Variants in LRFN2 observed in about 807,000 individuals in gnomAD.
LRFN2 encodes the protein leucine rich repeat and fibronectin type III domain containing 2.
A neutral mutation model predicts 37.3 loss-of-function variants in LRFN2; 18 were observed. That is an observed-to-expected ratio of 0.48 (90% confidence interval 0.33 to 0.72). The LOEUF (loss-of-function observed/expected upper bound fraction) is 0.72. Ranked by LOEUF, LRFN2 falls within the 30% of genes least tolerant of loss-of-function variation. The pLI is 0.02. For missense variants in LRFN2, 1,006 were observed against 1,060.7 expected, an observed-to-expected ratio of 0.95 and a Z score of 0.72; for synonymous variants, 556 against 466.6, an observed-to-expected ratio of 1.19 and a Z score of -2.47.
At position 40,432,284 on chromosome 6, in the gene LRFN2, C is replaced by A; in HGVS notation, c.830G>T (p.Trp277Leu). 6.2e-7 allele frequency: 1 copy of A among 1,614,124 alleles called. No homozygotes were observed. Among genetic ancestry groups the A allele is most frequent in the South Asian group, 1.1e-5 (1 of 91,084 alleles). ...SPGGLKGRYF[W>L]HVREEEFVCE... is the part of the protein sequence containing the mutation. ...CACAAACTCCTCCTCACGCACATGC[C>A]AGAAGTAGCGACCCTTGAGGCCCCC... Residue 277 changes from tryptophan (W) to leucine (L), a missense_variant, in exon 2 of 3, where the codon TGG becomes TTG. Coordinates refer to ENST00000338305, the MANE Select transcript of LRFN2 (RefSeq NM_020737.3).
chr6:40,470,983 C>A (rs992065224), intron 1 of LRFN2, among the ~76,000 whole-genome samples: 1 of 152,164 alleles, frequency 6.6e-6, no homozygotes, highest in Non-Finnish European at 1.5e-5. Context: ...TCACACCCAA[C>A]CTTGGGGACA....
chr6:40,582,792 C>T (rs949853529), intron 1 of LRFN2, among the ~76,000 whole-genome samples: 2 of 151,518 alleles, frequency 1.3e-5, no homozygotes, highest in Non-Finnish European at 1.5e-5. Flanking sequence ...GATTTGGACT[C>T]AATAGTTGAA....
At chr6:40,444,989 T>C (rs1208659706) in intron 1 of LRFN2, among the ~76,000 whole-genome samples, 1 of 151,912 alleles carries the variant, frequency 6.6e-6, no homozygotes, top group African/African-American at 2.4e-5. Context: ...CCTCCCTCCT[T>C]CCTGCACCCC....
chr6:40,482,896 C>T (rs912034350), intron 1 of LRFN2, among the ~76,000 whole-genome samples: 1 of 152,194 alleles, frequency 6.6e-6, no homozygotes, highest in Non-Finnish European at 1.5e-5. Flanking sequence ...CAAGGACTCC[C>T]GGACATGACT....
At chr6:40,554,918 T>C (rs1415774475) in intron 1 of LRFN2, among the ~76,000 whole-genome samples, 1 of 152,224 alleles carries the variant, frequency 6.6e-6, no homozygotes, top group African/African-American at 2.4e-5. Flanking sequence ...AAGGGCAACA[T>C]TCTGTTTCTA....
At chr6:40,430,506 T>C (rs1393627810) in intron 2 of LRFN2, among the ~76,000 whole-genome samples, 1 of 152,254 alleles carries the variant, frequency 6.6e-6, no homozygotes, top group African/African-American at 2.4e-5. Flanking sequence ...AAGGACACCA[T>C]ACATTCCTTG....
At chr6:40,402,332 G>T (rs1190470511) in intron 2 of LRFN2, among the ~76,000 whole-genome samples, 1 of 152,166 alleles carries the variant, frequency 6.6e-6, no homozygotes, top group African/African-American at 2.4e-5. Context: ...GCTGAGCCAG[G>T]TCTGCCAGGC....
chr6:40,512,781 T>C (rs1198842138), intron 1 of LRFN2, among the ~76,000 whole-genome samples: 1 of 152,208 alleles, frequency 6.6e-6, no homozygotes, highest in African/African-American at 2.4e-5. Context: ...TCCTTTATGC[T>C]GAGCCCTTGG....
intron 1 of LRFN2, among the ~76,000 whole-genome samples, chr6:40,447,443 C>G (rs746487469): frequency 6.6e-6 from 1 of 152,220 alleles, no homozygotes; most frequent in African/African-American, 2.4e-5. Context: ...GAGCTGTCAC[C>G]ATCCCATGAT....
At chr6:40,545,757 G>A (rs1037697551) in intron 1 of LRFN2, among the ~76,000 whole-genome samples, 4 of 152,176 alleles carry the variant, frequency 2.6e-5, no homozygotes, top group Admixed American at 1.3e-4. Flanking sequence ...GGCACTTGGA[G>A]GAGGAATGAA....
At chr6:40,402,891 G>A (rs1393143429) in intron 2 of LRFN2, among the ~76,000 whole-genome samples, 1 of 152,180 alleles carries the variant, frequency 6.6e-6, no homozygotes, top group East Asian at 1.9e-4. Context: ...GAATTCTGAG[G>A]GAAGTGAGGG....
intron 2 of LRFN2, among the ~76,000 whole-genome samples, chr6:40,415,478 G>A (rs1290723870): frequency 1.3e-5 from 2 of 152,042 alleles, no homozygotes; most frequent in African/African-American, 2.4e-5. Context: ...CACCCACCTC[G>A]ACCTCCCAAA....
intron 2 of LRFN2, among the ~76,000 whole-genome samples, chr6:40,423,754 A>G (rs1226381124): frequency 2.0e-5 from 3 of 152,182 alleles, no homozygotes; most frequent in African/African-American, 4.8e-5. Context: ...GAAACTCCCC[A>G]CTTTGCTTTC....
intron 1 of LRFN2, among the ~76,000 whole-genome samples, chr6:40,582,469 T>A (rs1767422104): frequency 6.6e-6 from 1 of 151,924 alleles, no homozygotes; most frequent in African/African-American, 2.4e-5. Context: ...AAGAACACAG[T>A]TTTGTTCTTT....
intron 2 of LRFN2, among the ~76,000 whole-genome samples, chr6:40,422,529 G>T (rs80173346): frequency 3.0e-4 from 46 of 151,582 alleles, no homozygotes; most frequent in African/African-American, 1.1e-3. Flanking sequence ...CCCTGGACTC[G>T]GGGTCAGAAT....
At chr6:40,447,603 T>C (rs1194516705) in intron 1 of LRFN2, among the ~76,000 whole-genome samples, 2 of 152,256 alleles carry the variant, frequency 1.3e-5, no homozygotes, top group African/African-American at 2.4e-5. Context: ...CAAACGTAGA[T>C]GATATCATCA....
At chr6:40,471,203 TC>T (rs1473618297) in intron 1 of LRFN2, among the ~76,000 whole-genome samples, 3 of 152,116 alleles carry the variant, frequency 2.0e-5, no homozygotes, top group African/African-American at 7.2e-5. Context: ...ATGGGGCTCT[TC>T]TTACCGGCTC....
chr6:40,392,559 G>A lies in LRFN2; in HGVS notation c.1754C>T (p.Pro585Leu), dbSNP rs765272532. Reference protein sequence around the residue: ...VYSQTNGAQPPPPSSAPAGAP... With the variant: ...VYSQTNGAQPLPPSSAPAGAP... ...CCCGGCTGGTGCGCTGCTTGGAGGC[G>A]GTGGCTGGGCGCCGTTGGTCTGCGA... Residue 585 changes from proline to leucine, a missense_variant, in exon 3 of 3, where the codon CCG (proline) becomes CTG (leucine). By Grantham distance (98) the Pro-to-Leu change is moderately conservative. This residue lies in a region of LRFN2 where 398 missense variants were observed against 327.6 expected (regional missense o/e 1.21). Coordinates refer to ENST00000338305, the MANE Select transcript of LRFN2 (RefSeq NM_020737.3). This position sits in a 1 kb window ranked among gnomAD's most constrained non-coding sequence, Gnocchi z 4.7. The A allele has an allele frequency of 4.1e-5, 65 of 1,601,024 alleles. No homozygotes were observed. Among genetic ancestry groups the A allele is most frequent in the Admixed American group, 5.0e-5 (3 of 59,596 alleles).
At chr6:40,484,630 A>T (rs535272940) in intron 1 of LRFN2, among the ~76,000 whole-genome samples, 1 of 151,798 alleles carries the variant, frequency 6.6e-6, no homozygotes. Flanking sequence ...ATGCTCCTCC[A>T]CTCCCACCCC....
Sources: allele counts gnomAD v4.1 joint callset (sites outside exome capture counted in the v4.1 genomes callset), GRCh38; gene constraint gnomAD v4.1.1; regional missense constraint gnomAD v4.1.1; non-coding constraint Gnocchi (gnomAD v3.1); transcripts MANE v1.5; gene names NCBI Gene and HGNC (gene_info 2026-07-23, HGNC 2026-07-21).